Variants in CACNB4 observed in about 807,000 individuals in gnomAD.
The protein encoded by CACNB4 is voltage-dependent L-type calcium channel subunit beta-4.
Under a neutral mutation model 71.2 loss-of-function variants are expected in CACNB4, and 32 were observed. That is an observed-to-expected ratio of 0.45 (90% CI 0.34 to 0.60). The LOEUF (loss-of-function observed/expected upper bound fraction) is 0.60. Among genes scored for constraint, CACNB4 ranks in the 20% least tolerant of loss-of-function variants. CACNB4 has a pLI of 0.01. For missense variants in CACNB4, 464 were observed against 647.9 expected, an observed-to-expected ratio of 0.72 and a Z score of 3.08; for synonymous variants, 231 against 236.9, an observed-to-expected ratio of 0.97 and a Z score of 0.23.
At chr2:152,031,409 A>G (rs552136146) in intron 2 of CACNB4, among the ~76,000 whole-genome samples, 1 of 152,350 alleles carries the variant, frequency 6.6e-6, no homozygotes, top group South Asian at 2.1e-4. Context: ...CCTTCCAGAA[A>G]CTGGAAACAT....
chr2:151,958,455 A>G (rs2099868864), intron 2 of CACNB4, among the ~76,000 whole-genome samples: 1 of 152,178 alleles, frequency 6.6e-6, no homozygotes, highest in South Asian at 2.1e-4. Context: ...GAGGCCTTCA[A>G]TCCGGGACCT....
At chr2:152,035,756 A>G (rs1317374756) in intron 2 of CACNB4, among the ~76,000 whole-genome samples, 1 of 152,002 alleles carries the variant, frequency 6.6e-6, no homozygotes, top group African/African-American at 2.4e-5. Context: ...ACCAACAGAC[A>G]CTTCTCAAGC....
chr2:151,868,155 T>C (rs1340160033), intron 9 of CACNB4: 1 of 152,260 alleles, frequency 6.6e-6, no homozygotes. Flanking sequence ...GTTTTTATTC[T>C]TAATATACCA....
chr2:151,997,832 T>C (rs927229409), intron 2 of CACNB4, among the ~76,000 whole-genome samples: 17 of 152,198 alleles, frequency 1.1e-4, no homozygotes, highest in Admixed American at 5.9e-4. Context: ...GAAACAAGTA[T>C]GTCCTAAACC....
At chr2:152,087,753 C>T (rs926870027) in intron 2 of CACNB4, among the ~76,000 whole-genome samples, 1 of 152,124 alleles carries the variant, frequency 6.6e-6, no homozygotes, top group Admixed American at 6.5e-5. Context: ...ATGGTGCACG[C>T]CTGCAGTCCC....
At chr2:152,039,472 G>A (rs888357857) in intron 2 of CACNB4, among the ~76,000 whole-genome samples, 1 of 151,246 alleles carries the variant, frequency 6.6e-6, no homozygotes, top group African/African-American at 2.4e-5. Flanking sequence ...ACCTTCCCCT[G>A]ACCAGTCTTT....
chr2:152,084,130 GT>G (rs1476816047), intron 2 of CACNB4, among the ~76,000 whole-genome samples: 3 of 152,238 alleles, frequency 2.0e-5, no homozygotes, highest in African/African-American at 7.2e-5. Context: ...CTAGAAGCAG[GT>G]TTTAGGTGCA....
intron 10 of CACNB4, chr2:151,857,590 T>C (rs534711385): frequency 2.0e-5 from 3 of 152,346 alleles, no homozygotes; most frequent in East Asian, 3.9e-4. Context: ...TCAGGGTATG[T>C]TTCCCATTTG....
intron 2 of CACNB4, among the ~76,000 whole-genome samples, chr2:151,975,646 G>A (rs529427914): frequency 6.6e-5 from 10 of 152,046 alleles, no homozygotes; most frequent in South Asian, 2.1e-4. Context: ...GTGGAACCTC[G>A]GTTCCCTCCC....
At chr2:151,992,532 T>C (rs1579086825) in intron 2 of CACNB4, among the ~76,000 whole-genome samples, 2 of 152,198 alleles carry the variant, frequency 1.3e-5, no homozygotes, top group African/African-American at 2.4e-5. Flanking sequence ...AACAACTAAG[T>C]GTATACCTAT....
At chr2:152,014,091 C>T (rs1032070490) in intron 2 of CACNB4, among the ~76,000 whole-genome samples, 2 of 152,164 alleles carry the variant, frequency 1.3e-5, no homozygotes, top group African/African-American at 2.4e-5. Context: ...GCCTGCAATC[C>T]CAGCACTTTG....
At chr2:151,907,494 C>T (rs894157243) in intron 2 of CACNB4, among the ~76,000 whole-genome samples, 1 of 152,198 alleles carries the variant, frequency 6.6e-6, no homozygotes, top group Admixed American at 6.5e-5. Context: ...TAACACCTTA[C>T]ATAACCAAGG....
intron 12 of CACNB4, among the ~76,000 whole-genome samples, chr2:151,843,524 C>T (rs1320525011): frequency 6.6e-6 from 1 of 152,112 alleles, no homozygotes; most frequent in Non-Finnish European, 1.5e-5. Context: ...CCATGTTGCC[C>T]AGGCTGGTCT....
chr2:151,841,085 C>T (rs1436672382), intron 13 of CACNB4, among the ~76,000 whole-genome samples: 4 of 152,196 alleles, frequency 2.6e-5, no homozygotes, highest in African/African-American at 7.2e-5. Flanking sequence ...ACCTGCACAG[C>T]CCCAAGAAAA....
chr2:151,943,166 T>A (rs191581168), intron 2 of CACNB4, among the ~76,000 whole-genome samples: 21 of 152,220 alleles, frequency 1.4e-4, no homozygotes, highest in African/African-American at 4.3e-4. Flanking sequence ...TGATATGTGA[T>A]GTCACCTCCG....
intron 2 of CACNB4, among the ~76,000 whole-genome samples, chr2:151,958,109 T>C (rs191692274): frequency 1.0e-3 from 159 of 152,316 alleles, no homozygotes; most frequent in African/African-American, 3.7e-3. Context: ...TTTTTTCACA[T>C]GTATCAACAG....
intron 5 of CACNB4, among the ~76,000 whole-genome samples, chr2:151,875,779 C>T (rs1322600114): frequency 4.3e-5 from 5 of 116,434 alleles, no homozygotes; most frequent in South Asian, 3.1e-4. Flanking sequence ...CCGGACGGGG[C>T]GGCTGGCCGG....
intron 9 of CACNB4, chr2:151,861,375 T>G (rs1215428600): frequency 6.6e-6 from 1 of 152,320 alleles, no homozygotes; most frequent in East Asian, 1.9e-4. Context: ...ACTTCATTTA[T>G]AAGAATGTGA....
chr2:151,893,931 T>C (rs1578677581), intron 2 of CACNB4, among the ~76,000 whole-genome samples: 1 of 151,876 alleles, frequency 6.6e-6, no homozygotes, highest in African/African-American at 2.4e-5. Flanking sequence ...GGAGTAAAAA[T>C]AGAAATAAGG....
Sources: gnomAD v4.1 joint callset for allele counts (sites outside exome capture counted in the v4.1 genomes callset) on GRCh38, gnomAD v4.1.1 for gene constraint, MANE v1.5 for transcripts, NCBI Gene and HGNC (gene_info 2026-07-23, HGNC 2026-07-21) for gene names.